NCAM2: variants seen among roughly 807,000 people sequenced by gnomAD.
The protein encoded by NCAM2 is N-CAM-2.
NCAM2 carries 30 observed loss-of-function variants against 98.1 expected under a neutral mutation model. The observed-to-expected ratio is 0.31, with a 90% CI of 0.23 to 0.41. The LOEUF (loss-of-function observed/expected upper bound fraction) is 0.41. NCAM2 is among the 10% of genes least tolerant of loss of function. The pLI, the probability that NCAM2 is intolerant of heterozygous loss-of-function variation, is 1.00. For missense variants in NCAM2, 867 were observed against 1,005.8 expected (o/e 0.86, Z 1.87); for synonymous variants, 368 against 342.4 (o/e 1.07, Z -0.83).
intron 1 of NCAM2, among the ~76,000 whole-genome samples, chr21:21,071,961 G>C (rs938226529): frequency 1.3e-5 from 2 of 151,728 alleles, no homozygotes; most frequent in African/African-American, 4.9e-5. Flanking sequence ...TGCCCAGGCT[G>C]GAGTGCAGTG....
At chr21:21,024,720 A>G (rs2064506530) in intron 1 of NCAM2, among the ~76,000 whole-genome samples, 1 of 152,040 alleles carries the variant, frequency 6.6e-6, no homozygotes, top group Non-Finnish European at 1.5e-5. Flanking sequence ...TACTAAAAAT[A>G]CAGAAAAAGA....
At chr21:21,366,981 T>A (rs1226894358) in intron 8 of NCAM2, among the ~76,000 whole-genome samples, 1 of 152,048 alleles carries the variant, frequency 6.6e-6, no homozygotes, top group East Asian at 1.9e-4. Context: ...AATGACTAGT[T>A]GTATGACTTG....
intron 9 of NCAM2, among the ~76,000 whole-genome samples, chr21:21,400,784 T>C (rs984286017): frequency 6.6e-5 from 10 of 152,084 alleles, no homozygotes; most frequent in African/African-American, 1.9e-4. Context: ...TGTAGTAAAC[T>C]ACACCAGAGG....
intron 8 of NCAM2, among the ~76,000 whole-genome samples, chr21:21,343,740 A>C (rs927834745): frequency 6.6e-6 from 1 of 152,180 alleles, no homozygotes; most frequent in Non-Finnish European, 1.5e-5. Flanking sequence ...AGTGCCTGCA[A>C]ACCTCACCAG....
rs59168731 is a variant in NCAM2 at position 21,400,597 on chromosome 21, C to CTT, written c.1196-9662_1196-9661dup. ...CACTTATTAAAATATTTACCAAAAA[C>CTT]TTTTTTTTTTTTTTTTGAGATGGAG... is the stretch of plus-strand genomic sequence containing the variant. On this transcript the variant is annotated intron_variant, in intron 9 of 17. Transcript: ENST00000400546. Among the ~76,000 whole-genome samples, 35 of 137,946 alleles carry CTT rather than the reference C, an allele frequency of 2.5e-4. 1 individual carries two copies. Among genetic ancestry groups the CTT allele is most frequent in the Non-Finnish European group, 3.1e-4 (20 of 63,540 alleles). The allele number at this position is 137,946 out of a possible 152,430, so 90.5% of individuals were successfully genotyped here. A position where few individuals can be genotyped will look rare whatever the true frequency, so the allele number is the denominator to read the frequency against.
At chr21:21,357,343 A>C (rs1002377741) in intron 8 of NCAM2, among the ~76,000 whole-genome samples, 1 of 152,154 alleles carries the variant, frequency 6.6e-6, no homozygotes, top group South Asian at 2.1e-4. Flanking sequence ...TTTGATTATA[A>C]AAAATACAAA....
intron 5 of NCAM2, among the ~76,000 whole-genome samples, chr21:21,301,663 A>G (rs1274699050): frequency 6.8e-6 from 1 of 146,720 alleles, no homozygotes; most frequent in Non-Finnish European, 1.5e-5. Context: ...GCGATAGTTT[A>G]CTGAGAATGA....
At chr21:21,215,535 A>G (rs1178405837) in intron 1 of NCAM2, among the ~76,000 whole-genome samples, 2 of 152,100 alleles carry the variant, frequency 1.3e-5, no homozygotes, top group Non-Finnish European at 2.9e-5. Context: ...ACTGGCCAAC[A>G]TGGTGAAATC....
At chr21:21,353,251 T>C (rs1444699555) in intron 8 of NCAM2, among the ~76,000 whole-genome samples, 2 of 152,220 alleles carry the variant, frequency 1.3e-5, no homozygotes, top group Non-Finnish European at 2.9e-5. Flanking sequence ...TCCTATGTAC[T>C]TTATGATGGA....
chr21:21,337,382 G>T lies in NCAM2; in HGVS notation c.899-1007G>T, dbSNP rs34645350. Among the ~76,000 whole-genome samples the T allele has an allele frequency of 4.1e-4, 62 of 151,996 alleles. No homozygotes were observed. In the South Asian group the frequency reaches 0.012, roughly 30 times the overall value. The stretch of plus-strand genomic sequence containing the variant: ...CTTTTGTTGCTCCTGACACAAAATT[G>T]TATGCATATTGTGGGAATATAACTA... On this transcript the variant is annotated intron_variant, in intron 7 of 17. Coordinates refer to ENST00000400546, the MANE Select transcript of NCAM2 (RefSeq NM_004540.5).
chr21:21,018,687 A>G (rs2064368316), intron 1 of NCAM2, among the ~76,000 whole-genome samples: 2 of 152,190 alleles, frequency 1.3e-5, no homozygotes. Flanking sequence ...TTTGTGAGGT[A>G]TGTTGGTTCT....
chr21:21,490,094 A>G (rs1986722265), intron 15 of NCAM2, among the ~76,000 whole-genome samples: 1 of 152,084 alleles, frequency 6.6e-6, no homozygotes, highest in Admixed American at 6.6e-5. Flanking sequence ...AACTCAACAA[A>G]GATCTCTTGT....
In NCAM2 at chr21:21,540,840, G is replaced by C. The variant is rs1445958171; in HGVS notation, c.*2883G>C. 6.6e-6 allele frequency: 1 copy of C among 151,890 alleles called. No homozygotes were observed. The highest frequency in any genetic ancestry group is 2.4e-5 in the African/African-American group (1 of 41,412). 9.4% of individuals were successfully genotyped at this position (151,890 alleles called of 1,614,324 possible). A position where few individuals can be genotyped will look rare whatever the true frequency, so the allele number is the denominator to read the frequency against. On this transcript the variant is annotated 3_prime_UTR_variant, in exon 18 of 18. Coordinates refer to ENST00000400546, the MANE Select transcript of NCAM2 (RefSeq NM_004540.5). ...GTATTCAACAACATATAAGAGGAAAGAGTAATATCAGAATTTTGACACAAA... is the reference window on the plus strand; with the variant it reads ...GTATTCAACAACATATAAGAGGAAACAGTAATATCAGAATTTTGACACAAA...
At chr21:21,475,273 T>C (rs528572547) in intron 14 of NCAM2, among the ~76,000 whole-genome samples, 2 of 152,196 alleles carry the variant, frequency 1.3e-5, no homozygotes, top group African/African-American at 4.8e-5. Flanking sequence ...ACCTCCCCAC[T>C]GGTGACCTGC....
chr21:21,432,086 C>CT, intron 11 of NCAM2, 22 bp from the exon 12 acceptor site: 1 of 1,605,244 alleles, frequency 6.2e-7, no homozygotes, highest in Non-Finnish European at 8.5e-7. Context: ...GTTATGTTTT[C>CT]TTTATATTTC....
intron 11 of NCAM2, among the ~76,000 whole-genome samples, chr21:21,421,511 C>A (rs2077111083): frequency 6.6e-6 from 1 of 152,008 alleles, no homozygotes; most frequent in Non-Finnish European, 1.5e-5. Context: ...ATGATTCAGA[C>A]AGTCAGCCTT....
intron 1 of NCAM2, among the ~76,000 whole-genome samples, chr21:21,051,028 C>T (rs6518057): frequency 0.94 from 143,202 of 152,266 alleles, 67,956 homozygotes; most frequent in East Asian, 1. Flanking sequence ...TGGTGTCCAC[C>T]GTGATATGTG....
chr21:21,281,446 A>C (rs572686370), intron 2 of NCAM2, among the ~76,000 whole-genome samples: 36 of 152,144 alleles, frequency 2.4e-4, no homozygotes, highest in Non-Finnish European at 3.7e-4. Context: ...GAAAGCTTTG[A>C]CTAGATTTTT....
chr21:21,081,009 C>T (rs1226502405), intron 1 of NCAM2, among the ~76,000 whole-genome samples: 1 of 152,154 alleles, frequency 6.6e-6, no homozygotes, highest in Non-Finnish European at 1.5e-5. Context: ...ACGGTTTGAC[C>T]TTTTGACTTG....
Sources: allele counts gnomAD v4.1 joint callset (sites outside exome capture counted in the v4.1 genomes callset), GRCh38; gene constraint gnomAD v4.1.1; transcripts MANE v1.5; gene names NCBI Gene and HGNC (gene_info 2026-07-23, HGNC 2026-07-21).